Variants in ANKS6 observed in about 807,000 individuals in gnomAD.
ANKS6 encodes the protein ankyrin repeat and sterile alpha motif domain containing 6.
A neutral mutation model predicts 77.9 loss-of-function variants in ANKS6; 47 were observed. The ratio of observed to expected loss-of-function variants is 0.60; its 90% CI spans 0.48 to 0.77. ANKS6 has a LOEUF of 0.77. ANKS6 is among the 30% of genes least tolerant of loss of function. The probability of loss-of-function intolerance (pLI) is 0.00; values close to 1 mark genes in which losing one functional copy is unlikely to be tolerated. For synonymous variants in ANKS6, 488 were observed against 501.7 expected (o/e 0.97, Z 0.37); for missense variants, 1,150 against 1,159.1 (o/e 0.99, Z 0.11).
intron 13 of ANKS6, among the ~76,000 whole-genome samples, chr9:98,749,785 G>A (rs1036757447): frequency 2.3e-4 from 35 of 152,194 alleles, no homozygotes; most frequent in Admixed American, 2.2e-3. Flanking sequence ...GAGGAGGAAA[G>A]CTACGCGCCC....
At chr9:98,749,539 G>C (rs1247852135) in intron 13 of ANKS6, among the ~76,000 whole-genome samples, 1 of 152,176 alleles carries the variant, frequency 6.6e-6, no homozygotes, top group Admixed American at 6.5e-5. Context: ...CAGAAAAAGG[G>C]GAAAGGCCAA....
chr9:98,742,592 G>C (rs1831896994), intron 14 of ANKS6, among the ~76,000 whole-genome samples: 1 of 152,186 alleles, frequency 6.6e-6, no homozygotes, highest in Admixed American at 6.5e-5. Context: ...AAGTGGTTCA[G>C]ATCGGCTCCT....
chr9:98,756,823 T>C (rs1005791009), intron 11 of ANKS6, among the ~76,000 whole-genome samples: 2 of 152,072 alleles, frequency 1.3e-5, no homozygotes, highest in East Asian at 3.9e-4. Context: ...TAAGATCAAA[T>C]AGCTGCATAT....
intron 14 of ANKS6, among the ~76,000 whole-genome samples, chr9:98,741,539 A>T (rs1831829600): frequency 6.6e-6 from 1 of 152,230 alleles, no homozygotes. Flanking sequence ...AATTCTTTTC[A>T]CCATTTTGGT....
rs762245210 is a variant in ANKS6 at position 98,756,506 on chromosome 9, G to A, written c.2240C>T (p.Thr747Ile). Residue 747 changes from threonine to isoleucine, a missense_variant, in exon 12 of 15, where the codon ACT (threonine) becomes ATT (isoleucine). Coordinates refer to ENST00000353234, the MANE Select transcript of ANKS6 (RefSeq NM_173551.5). ...LTPSPSPKGHTAESSVSSSSS... is the reference protein window; with the variant it reads ...LTPSPSPKGHIAESSVSSSSS... ...CGAGGAAGACACTGAGGACTCTGCA[G>A]TGTGCCCTTTGGGTGAGGGGGAGGG... The A allele has an allele frequency of 6.2e-7, 1 of 1,611,884 alleles. No individual in the cohort carries two copies. The highest frequency in any genetic ancestry group is 2.2e-5 in the East Asian group (1 of 44,682).
Position 98,734,650 on chromosome 9 carries a change from T to C in ANKS6, c.*1869A>G. 4.2e-6 allele frequency: 4 copies of C among 949,034 alleles called. No homozygotes were observed. The highest frequency in any genetic ancestry group is 5.0e-6 in the Non-Finnish European group (4 of 796,948). The allele number at this position is 949,034 out of a possible 1,614,324, so 58.8% of individuals were successfully genotyped here. A position where few individuals can be genotyped will look rare whatever the true frequency, so the allele number is the denominator to read the frequency against. On this transcript the variant is annotated 3_prime_UTR_variant, in exon 15 of 15. Transcript: ENST00000353234. ...CCCCAGATCTGCTCCTTCTGGGCTG[T>C]TTAACTGGCAAGCTGCTTCCCTCTC...
chr9:98,790,737 G>A, intron 1 of ANKS6, 131 bp from the exon 2 acceptor site: 1 of 1,268,172 alleles, frequency 7.9e-7, no homozygotes, highest in Non-Finnish European at 1.1e-6. Flanking sequence ...CTGGCGCCAG[G>A]CACTGTGCCA....
intron 6 of ANKS6, among the ~76,000 whole-genome samples, chr9:98,779,562 T>A (rs974359966): frequency 6.6e-6 from 1 of 152,176 alleles, no homozygotes; most frequent in African/African-American, 2.4e-5. Flanking sequence ...TCTAGTAATA[T>A]GGACCCACAT....
chr9:98,734,692 C>T lies in ANKS6; in HGVS notation c.*1827G>A, dbSNP rs956254270. 3.6e-5 allele frequency: 34 copies of T among 933,562 alleles called. No homozygotes were observed. The East Asian group carries it at 7.0e-4, about 19-fold the overall frequency. The allele number at this position is 933,562 out of a possible 1,614,324, so 57.8% of individuals were successfully genotyped here. On this transcript the variant is annotated 3_prime_UTR_variant, in exon 15 of 15. Coordinates refer to ENST00000353234, the MANE Select transcript of ANKS6 (RefSeq NM_173551.5). ...TTCCCTCTCCTAAGCATCCGTTTCC[C>T]GAATGTGCAAGATGAGGTTACACAA...
rs748439897 is a variant in ANKS6, at chr9:98,790,119, C to T, written c.847G>A (p.Val283Ile). ...LVDYLDPLTT[V>I]RPKTDEEKRR... ...GCAGCCTGACCTGTTTTGGGCCTGACGGTGGTCAGCGGGTCCAGGTAGTCT... is the reference window on the plus strand; with the variant it reads ...GCAGCCTGACCTGTTTTGGGCCTGATGGTGGTCAGCGGGTCCAGGTAGTCT... The change falls in exon 2 of 15, where the codon GTC becomes ATC. Residue 283 changes from valine (V) to isoleucine (I), a missense_variant. Coordinates refer to ENST00000353234, the MANE Select transcript of ANKS6 (RefSeq NM_173551.5). The T allele has an allele frequency of 1.9e-5, 30 of 1,564,774 alleles. No individual in the cohort carries two copies. Among genetic ancestry groups the T allele is most frequent in the African/African-American group, 8.1e-5 (6 of 74,180 alleles).
chr9:98,793,201 A>C (rs553352846), intron 1 of ANKS6, among the ~76,000 whole-genome samples: 6 of 152,310 alleles, frequency 3.9e-5, no homozygotes, highest in African/African-American at 1.4e-4. Context: ...TGTCCCTTGG[A>C]GAGAAGTCTC....
intron 14 of ANKS6, among the ~76,000 whole-genome samples, chr9:98,740,158 T>G (rs557074576): frequency 5.9e-5 from 9 of 152,270 alleles, no homozygotes; most frequent in Middle Eastern, 3.4e-3. Context: ...GACTTCAAAC[T>G]TTCTTTCATT....
chr9:98,750,747 GTCAA>G (rs1164437249), intron 13 of ANKS6, among the ~76,000 whole-genome samples: 1 of 152,120 alleles, frequency 6.6e-6, no homozygotes, highest in East Asian at 1.9e-4. Flanking sequence ...AAGTCTGCCA[GTCAA>G]TCACACACAA....
At chr9:98,790,660 G>A in intron 1 of ANKS6, 54 bp from the exon 2 acceptor site, 2 of 1,557,548 alleles carry the variant, frequency 1.3e-6, no homozygotes, top group Non-Finnish European at 1.7e-6. Context: ...TCGGGGGCCA[G>A]CTTATGTCAT....
chr9:98,753,415 A>G (rs964922272), intron 12 of ANKS6, among the ~76,000 whole-genome samples: 6 of 152,244 alleles, frequency 3.9e-5, no homozygotes, highest in Non-Finnish European at 1.5e-5. Context: ...TGCTACTCAC[A>G]AGATAACGGT....
Position 98,736,638 on chromosome 9 carries a change from G to T in ANKS6, c.2512-15C>A, listed in dbSNP as rs1472366440. The T allele has an allele frequency of 1.0e-5, 16 of 1,592,336 alleles. No homozygotes were observed. The highest frequency in any genetic ancestry group is 1.2e-5 in the Non-Finnish European group (14 of 1,168,752). ...CTCTCGCGTCCCTGTGGAGGAAATT[G>T]AAAACAGACACAGAAAGTCTTATTA... On this transcript the variant is annotated splice_polypyrimidine_tract_variant and intron_variant, in intron 14 of 14. Transcript: ENST00000353234.
In ANKS6 at chr9:98,791,999, G is replaced by A. The variant is rs1052397074; in HGVS notation, c.360-1393C>T. On this transcript the variant is annotated intron_variant, in intron 1 of 14. Coordinates refer to ENST00000353234, the MANE Select transcript of ANKS6 (RefSeq NM_173551.5). This position sits in a 1 kb window ranked among gnomAD's most constrained non-coding sequence, Gnocchi z 4.3. Reference sequence around the variant, plus strand: ...GAAAGCTGCACCCCAATGTCTCCCCGCCTCCAGTCTCGTTCCCTCCTGCCC... The same window carrying A: ...GAAAGCTGCACCCCAATGTCTCCCCACCTCCAGTCTCGTTCCCTCCTGCCC... 3.3e-5 allele frequency among the ~76,000 whole-genome samples: 5 copies of A among 152,038 alleles called. No individual in the cohort carries two copies. Among genetic ancestry groups the A allele is most frequent in the Admixed American group, 6.6e-5 (1 of 15,256 alleles).
chr9:98,762,599 G>A (rs1457354878), intron 11 of ANKS6, among the ~76,000 whole-genome samples: 1 of 152,120 alleles, frequency 6.6e-6, no homozygotes, highest in Non-Finnish European at 1.5e-5. Flanking sequence ...TTTGTTGAGA[G>A]TTTTAATGAT....
At position 98,796,373 on chromosome 9, in the gene ANKS6, C is replaced by A. The variant is rs1228401575; in HGVS notation, c.119G>T (p.Gly40Val). 1 of 1,036,484 alleles carries A rather than the reference C, an allele frequency of 9.6e-7. No homozygotes were observed. Among genetic ancestry groups the A allele is most frequent in the Non-Finnish European group, 1.2e-6 (1 of 865,284 alleles). The allele number at this position is 1,036,484 out of a possible 1,614,324, so 64.2% of individuals were successfully genotyped here. The change falls in exon 1 of 15, where the codon GGC becomes GTC. Residue 40 changes from glycine to valine, a missense_variant. Coordinates refer to ENST00000353234, the MANE Select transcript of ANKS6 (RefSeq NM_173551.5). The part of the protein sequence containing the change: ...EPGAAEPAER[G>V]AEPEAGAEPA... Reference sequence around the variant, plus strand: ...CTCCGCGCCCGCCTCCGGCTCCGCGCCGCGCTCGGCTGGCTCCGCCGCCCC... The same window carrying A: ...CTCCGCGCCCGCCTCCGGCTCCGCGACGCGCTCGGCTGGCTCCGCCGCCCC...
Sources: gnomAD v4.1 joint callset for allele counts (sites outside exome capture counted in the v4.1 genomes callset) on GRCh38, gnomAD v4.1.1 for gene constraint, Gnocchi (gnomAD v3.1) non-coding constraint, MANE v1.5 for transcripts, NCBI Gene and HGNC (gene_info 2026-07-23, HGNC 2026-07-21) for gene names.